PIAS4: variants seen among roughly 807,000 people sequenced by gnomAD.
The protein encoded by PIAS4 is E3 SUMO-protein ligase PIAS4.
PIAS4 carries 7 observed loss-of-function variants against 58.0 expected under a neutral mutation model. The observed-to-expected ratio is 0.12, with a 90% confidence interval of 0.07 to 0.23. The LOEUF (loss-of-function observed/expected upper bound fraction) is 0.23, where lower values mean the gene tolerates loss of function less well. Among genes scored for constraint, PIAS4 ranks in the 10% least tolerant of loss-of-function variants. The pLI is 1.00. For missense variants in PIAS4, 550 were observed against 709.5 expected (o/e 0.78, Z 2.55); for synonymous variants, 364 against 312.4 (o/e 1.17, Z -1.74).
At chr19:4,034,579 G>A (rs1033404517) in intron 9 of PIAS4, among the ~76,000 whole-genome samples, 8 of 152,224 alleles carry the variant, frequency 5.3e-5, no homozygotes, top group African/African-American at 1.9e-4. Flanking sequence ...CCAGCTTCGG[G>A]TAGAGAGAGG....
intron 2 of PIAS4, among the ~76,000 whole-genome samples, chr19:4,020,951 G>A (rs919106601): frequency 1.2e-4 from 18 of 152,146 alleles, no homozygotes; most frequent in African/African-American, 4.1e-4. Flanking sequence ...AAATACTTTG[G>A]AGTGGGATTC....
chr19:4,010,226 C>T (rs1218321900), intron 1 of PIAS4, among the ~76,000 whole-genome samples: 1 of 152,210 alleles, frequency 6.6e-6, no homozygotes, highest in African/African-American at 2.4e-5. Context: ...GGGCAGGCTC[C>T]TCCGAGGTGG....
At chr19:4,019,784 G>T (rs1485124814) in intron 2 of PIAS4, among the ~76,000 whole-genome samples, 2 of 152,298 alleles carry the variant, frequency 1.3e-5, no homozygotes, top group East Asian at 3.9e-4. Flanking sequence ...GGCTGTGGCA[G>T]CCCCCTCTTC....
chr19:4,038,033 C>CCTG lies in PIAS4; in HGVS notation c.*158_*159insCTG. 1.5e-6 allele frequency: 1 copy of CCTG among 672,226 alleles called. No individual in the cohort carries two copies. The allele number at this position is 672,226 out of a possible 1,614,324, so 41.6% of individuals were successfully genotyped here. On this transcript the variant is annotated 3_prime_UTR_variant, in exon 11 of 11. Coordinates refer to ENST00000262971, the MANE Select transcript of PIAS4 (RefSeq NM_015897.4). The surrounding 1 kb of genome is among the most constrained non-coding windows in gnomAD (Gnocchi z 4.1). ...GGCTCCTGGCACCTGTACCTCTGGACTCTCCTATCGGGGGATTAAAAAAAA... is the reference window on the plus strand; with the variant it reads ...GGCTCCTGGCACCTGTACCTCTGGACCTGTCTCCTATCGGGGGATTAAAAAAAA...
intron 2 of PIAS4, among the ~76,000 whole-genome samples, chr19:4,019,556 C>T (rs566373430): frequency 3.3e-5 from 5 of 152,334 alleles, no homozygotes; most frequent in African/African-American, 1.2e-4. Flanking sequence ...CCGACCCAGC[C>T]TGGAAGCTCA....
intron 7 of PIAS4, among the ~76,000 whole-genome samples, chr19:4,030,446 C>T (rs1275286807): frequency 6.6e-6 from 1 of 151,924 alleles, no homozygotes; most frequent in Non-Finnish European, 1.5e-5. Flanking sequence ...GGTGAAACCC[C>T]ATCTCTACTA....
chr19:4,020,387 C>T (rs984206450), intron 2 of PIAS4, among the ~76,000 whole-genome samples: 1 of 152,134 alleles, frequency 6.6e-6, no homozygotes, highest in Non-Finnish European at 1.5e-5. Flanking sequence ...CTGATGAGCT[C>T]CAGCCTTTAC....
intron 1 of PIAS4, among the ~76,000 whole-genome samples, chr19:4,008,877 G>GGGAC (rs1179110203): frequency 1.3e-5 from 2 of 151,826 alleles, no homozygotes; most frequent in South Asian, 2.1e-4. Context: ...ATCTCTGGAG[G>GGGAC]GTCCCCACTG....
chr19:4,038,154 G>A lies in PIAS4; in HGVS notation c.*279G>A, dbSNP rs1044656297. 4 of 396,902 alleles carry A rather than the reference G, an allele frequency of 1.0e-5. No homozygotes were observed. The highest frequency in any genetic ancestry group is 4.3e-5 in the African/African-American group (2 of 46,228). The allele number at this position is 396,902 out of a possible 1,614,324, so 24.6% of individuals were successfully genotyped here. On this transcript the variant is annotated 3_prime_UTR_variant, in exon 11 of 11. Coordinates refer to ENST00000262971, the MANE Select transcript of PIAS4 (RefSeq NM_015897.4). The surrounding 1 kb of genome is among the most constrained non-coding windows in gnomAD (Gnocchi z 4.1). ...CGGCCACCCACACAGCCGCCTCCCC[G>A]GCTGGAGTCCGAGCCGGGAAGGGGT...
intron 9 of PIAS4, among the ~76,000 whole-genome samples, chr19:4,036,489 C>T (rs1599235186): frequency 6.9e-6 from 1 of 145,460 alleles, no homozygotes; most frequent in African/African-American, 2.6e-5. Flanking sequence ...CCATACAGTC[C>T]ACACCGTCAT....
At chr19:4,014,545 C>T (rs1250101054) in intron 2 of PIAS4, among the ~76,000 whole-genome samples, 1 of 152,256 alleles carries the variant, frequency 6.6e-6, no homozygotes, top group African/African-American at 2.4e-5. Flanking sequence ...TCTCTTCTTC[C>T]TGCCTCCCCT....
intron 2 of PIAS4, among the ~76,000 whole-genome samples, chr19:4,023,798 C>T (rs1412065450): frequency 1.3e-5 from 2 of 152,252 alleles, no homozygotes; most frequent in South Asian, 2.1e-4. Context: ...GGTCACCCAG[C>T]AATCTGAGTG....
rs551722458 is a variant in PIAS4 at position 4,037,222 on chromosome 19, G to A, written c.1143-152G>A. 5.8e-5 allele frequency: 57 copies of A among 983,202 alleles called. 1 individual carries two copies. Among genetic ancestry groups the A allele is most frequent in the South Asian group, 2.9e-4 (17 of 58,702 alleles). 60.9% of individuals were successfully genotyped at this position (983,202 alleles called of 1,614,324 possible). ...GGCCTGAGGGCGGGGGAGGGAATGC[G>A]GGGTCCCTGGACCCCTGCGGTCGGG... On this transcript the variant is annotated intron_variant, in intron 9 of 10. Coordinates refer to ENST00000262971, the MANE Select transcript of PIAS4 (RefSeq NM_015897.4). The surrounding 1 kb of genome is among the most constrained non-coding windows in gnomAD (Gnocchi z 5.8).
rs144565099 is a variant in PIAS4 at position 4,013,264 on chromosome 19, C to T, written c.369C>T (p.Pro123=). The change falls in exon 2 of 11, where the codon CCC becomes CCT. Residue 123 remains proline, a synonymous_variant. Coordinates refer to ENST00000262971, the MANE Select transcript of PIAS4 (RefSeq NM_015897.4). The surrounding 1 kb of genome is among the most constrained non-coding windows in gnomAD (Gnocchi z 5.1). ...ACTTAAACGGACTGGGACGGTTGCCCGCCAAGACCCTCAAGCCAGAAGTCC... is the reference window on the plus strand; with the variant it reads ...ACTTAAACGGACTGGGACGGTTGCCTGCCAAGACCCTCAAGCCAGAAGTCC... The part of the protein sequence containing the change: ...GKYLNGLGRL[P]AKTLKPEVRL... The T allele has an allele frequency of 8.2e-3, 13,306 of 1,613,310 alleles. 73 individuals are homozygous for T. The highest frequency in any genetic ancestry group is 9.4e-3 in the Non-Finnish European group (11,033 of 1,179,994).
intron 2 of PIAS4, among the ~76,000 whole-genome samples, chr19:4,017,407 T>C (rs1464456893): frequency 6.6e-6 from 1 of 152,162 alleles, no homozygotes; most frequent in Non-Finnish European, 1.5e-5. Flanking sequence ...ATGTTTTCAC[T>C]GATGGGTAGA....
At chr19:4,033,265 G>C in intron 8 of PIAS4, 92 bp downstream of exon 8, 3 of 1,410,392 alleles carry the variant, frequency 2.1e-6, no homozygotes, top group South Asian at 2.4e-5. Flanking sequence ...TGGCTGGGCC[G>C]TGAGCCTGCG....
At chr19:4,018,215 G>A (rs372918686) in intron 2 of PIAS4, among the ~76,000 whole-genome samples, 9 of 152,344 alleles carry the variant, frequency 5.9e-5, no homozygotes, top group East Asian at 5.8e-4. Flanking sequence ...CAGTCCGGCC[G>A]GCGCCCTGCT....
At chr19:4,029,297 C>T (rs1253873046) in intron 7 of PIAS4, among the ~76,000 whole-genome samples, 1 of 152,140 alleles carries the variant, frequency 6.6e-6, no homozygotes. Flanking sequence ...GTGCTCCAGC[C>T]CACAGGGGTC....
At chr19:4,020,336 C>T (rs904889843) in intron 2 of PIAS4, among the ~76,000 whole-genome samples, 5 of 152,086 alleles carry the variant, frequency 3.3e-5, no homozygotes, top group African/African-American at 1.2e-4. Context: ...TGTGCACTGC[C>T]GTCCTGGGAG....
Sources: gnomAD v4.1 joint callset for allele counts (sites outside exome capture counted in the v4.1 genomes callset) on GRCh38, gnomAD v4.1.1 for gene constraint, Gnocchi (gnomAD v3.1) non-coding constraint, MANE v1.5 for transcripts, NCBI Gene and HGNC (gene_info 2026-07-23, HGNC 2026-07-21) for gene names.